Variants in GRID1 observed in about 807,000 individuals in gnomAD.
GRID1 encodes glutamate receptor ionotropic, delta-1.
A neutral mutation model predicts 98.0 loss-of-function variants in GRID1; 28 were observed. That is an observed-to-expected ratio of 0.29 (90% CI 0.21 to 0.39). GRID1 has a LOEUF of 0.39. GRID1 is among the 10% of genes least tolerant of loss of function. GRID1 has a pLI of 1.00. For synonymous variants in GRID1, 553 were observed against 538.5 expected, an observed-to-expected ratio of 1.03 and a Z score of -0.37; for missense variants, 1,111 against 1,340.5, an observed-to-expected ratio of 0.83 and a Z score of 2.67.
intron 4 of GRID1, among the ~76,000 whole-genome samples, chr10:86,133,173 A>T (rs534283429): frequency 6.6e-6 from 1 of 152,198 alleles, no homozygotes; most frequent in South Asian, 2.1e-4. Context: ...CTCCTGGTGG[A>T]TGTGTATGCA....
intron 12 of GRID1, among the ~76,000 whole-genome samples, chr10:85,717,144 T>C (rs1210465434): frequency 6.6e-6 from 1 of 152,200 alleles, no homozygotes; most frequent in Non-Finnish European, 1.5e-5. Context: ...CTGATAACTG[T>C]GTGAGGTAAC....
intron 13 of GRID1, among the ~76,000 whole-genome samples, chr10:85,627,112 T>C (rs1842922997): frequency 6.6e-6 from 1 of 152,196 alleles, no homozygotes; most frequent in Admixed American, 6.5e-5. Flanking sequence ...ACCATTAATA[T>C]GGTGCTTTAA....
chr10:85,716,286 C>T (rs1426172765), intron 12 of GRID1, among the ~76,000 whole-genome samples: 3 of 152,096 alleles, frequency 2.0e-5, no homozygotes, highest in African/African-American at 7.2e-5. Flanking sequence ...TGGAAACCAT[C>T]ATTCTGAGCA....
chr10:86,178,195 C>G (rs1417906673), intron 3 of GRID1, among the ~76,000 whole-genome samples: 1 of 152,212 alleles, frequency 6.6e-6, no homozygotes. Flanking sequence ...CACCAGAAAC[C>G]AGGTCACAAA....
At chr10:85,695,328 G>T (rs184627676) in intron 12 of GRID1, among the ~76,000 whole-genome samples, 1 of 152,324 alleles carries the variant, frequency 6.6e-6, no homozygotes, top group East Asian at 1.9e-4. Flanking sequence ...CATGAGAGAA[G>T]TGGGTATGCA....
At chr10:85,651,543 G>C (rs57809369) in intron 12 of GRID1, among the ~76,000 whole-genome samples, 3,269 of 152,260 alleles carry the variant, frequency 0.021, 48 homozygotes, top group East Asian at 0.059. Context: ...TAGGCACTCA[G>C]GATACCTAAA....
intron 13 of GRID1, among the ~76,000 whole-genome samples, chr10:85,626,056 A>T (rs1435009428): frequency 1.3e-5 from 2 of 152,254 alleles, no homozygotes; most frequent in Non-Finnish European, 2.9e-5. Context: ...AACATCAGTC[A>T]GAAATGCTAT....
At chr10:86,209,071 T>C (rs1846073419) in intron 2 of GRID1, among the ~76,000 whole-genome samples, 1 of 152,222 alleles carries the variant, frequency 6.6e-6, no homozygotes, top group Non-Finnish European at 1.5e-5. Flanking sequence ...GTGAAAGTGA[T>C]ACAAAATTGT....
chr10:85,937,761 G>A (rs908942233), intron 4 of GRID1, among the ~76,000 whole-genome samples: 1 of 152,124 alleles, frequency 6.6e-6, no homozygotes, highest in African/African-American at 2.4e-5. Context: ...AGGTGAGGGG[G>A]TCAAGGGTAT....
chr10:85,911,973 C>T (rs1357341753), intron 5 of GRID1, among the ~76,000 whole-genome samples: 1 of 152,226 alleles, frequency 6.6e-6, no homozygotes, highest in African/African-American at 2.4e-5. Context: ...TCCTTTCCAT[C>T]GCTGAAACTC....
intron 12 of GRID1, among the ~76,000 whole-genome samples, chr10:85,688,339 A>C (rs1841292404): frequency 6.6e-6 from 1 of 152,170 alleles, no homozygotes; most frequent in Non-Finnish European, 1.5e-5. Context: ...TAACTTGATT[A>C]GTCATTAAAA....
chr10:86,360,797 G>C (rs552820099), intron 2 of GRID1, among the ~76,000 whole-genome samples: 1 of 152,322 alleles, frequency 6.6e-6, no homozygotes, highest in Admixed American at 6.5e-5. Context: ...CAGAAGCTCA[G>C]AGCAGAGCTC....
At chr10:86,115,434 C>A (rs1254922028) in intron 4 of GRID1, among the ~76,000 whole-genome samples, 1 of 152,184 alleles carries the variant, frequency 6.6e-6, no homozygotes, top group Non-Finnish European at 1.5e-5. Flanking sequence ...CCAAGTCTCT[C>A]CTGCCTATGT....
At chr10:86,289,289 G>A (rs1485072248) in intron 2 of GRID1, among the ~76,000 whole-genome samples, 2 of 152,160 alleles carry the variant, frequency 1.3e-5, no homozygotes, top group Non-Finnish European at 2.9e-5. Flanking sequence ...AGGAAGAGGG[G>A]AAGGGCCTGG....
intron 5 of GRID1, among the ~76,000 whole-genome samples, chr10:85,883,435 G>C (rs1314238190): frequency 6.6e-6 from 1 of 151,360 alleles, no homozygotes; most frequent in Non-Finnish European, 1.5e-5. Context: ...TTGTTTCTTG[G>C]TTCTCACTCA....
At chr10:85,664,642 C>T (rs1312432030) in intron 12 of GRID1, among the ~76,000 whole-genome samples, 2 of 152,130 alleles carry the variant, frequency 1.3e-5, no homozygotes. Context: ...GCATGGGTAC[C>T]TTGGAAGTGG....
At chr10:86,055,896 A>G (rs1293636909) in intron 4 of GRID1, among the ~76,000 whole-genome samples, 1 of 152,230 alleles carries the variant, frequency 6.6e-6, no homozygotes, top group African/African-American at 2.4e-5. Context: ...AGCCCTTGCC[A>G]GAAACCAACA....
At chr10:86,159,987 TCAC>T (rs1302745465) in intron 3 of GRID1, among the ~76,000 whole-genome samples, 3 of 152,002 alleles carry the variant, frequency 2.0e-5, no homozygotes, top group East Asian at 1.9e-4. Context: ...ACCATCATCA[TCAC>T]CACCACTACT....
chr10:85,797,565 G>T (rs1842536519), intron 8 of GRID1, among the ~76,000 whole-genome samples: 1 of 151,722 alleles, frequency 6.6e-6, no homozygotes, highest in South Asian at 2.1e-4. Flanking sequence ...GAGCAGCTGG[G>T]ATTACAGGCA....
Sources: gnomAD v4.1 joint callset for allele counts (sites outside exome capture counted in the v4.1 genomes callset) on GRCh38, gnomAD v4.1.1 for gene constraint, MANE v1.5 for transcripts, NCBI Gene and HGNC (gene_info 2026-07-23, HGNC 2026-07-21) for gene names.